Variants in CHN2 observed in about 807,000 individuals in gnomAD.
CHN2 encodes the protein chimerin 2, also known as beta-chimaerin.
In CHN2, 35 loss-of-function variants were observed where a neutral mutation model predicts 56.3. That is an observed-to-expected ratio of 0.62 (90% CI 0.47 to 0.82). The LOEUF (loss-of-function observed/expected upper bound fraction) is 0.82. Among genes scored for constraint, CHN2 ranks in the 40% least tolerant of loss-of-function variants. CHN2 has a pLI of 0.00. For missense variants in CHN2, 491 were observed against 580.5 expected (o/e 0.85, Z 1.58); for synonymous variants, 210 against 212.8 (o/e 0.99, Z 0.12).
In CHN2 at chr7:29,509,322, G is replaced by C; in HGVS notation, c.1151G>C (p.Arg384Thr). 1 of 1,614,026 alleles carries C rather than the reference G, an allele frequency of 6.2e-7. No individual in the cohort carries two copies. The highest frequency in any genetic ancestry group is 8.5e-7 in the Non-Finnish European group (1 of 1,179,908). Reference protein sequence around the residue: ...DAAKISNADERLEAVHEVLML... With the variant: ...DAAKISNADETLEAVHEVLML... ...ACAGAAATCTCCAATGCAGATGAGAGGCTGGAAGCCGTCCATGAAGTGCTG... is the reference window on the plus strand; with the variant it reads ...ACAGAAATCTCCAATGCAGATGAGACGCTGGAAGCCGTCCATGAAGTGCTG... The change falls in exon 12 of 13, where the codon AGG becomes ACG. Residue 384 changes from arginine to threonine, a missense_variant. Transcript: ENST00000222792.
At chr7:29,199,489 G>A (rs1783990049) in intron 1 of CHN2, 1 of 152,180 alleles carries the variant, frequency 6.6e-6, no homozygotes, top group Non-Finnish European at 1.5e-5. Flanking sequence ...TAGACTGGCA[G>A]AAAGACTTGA....
At chr7:29,303,681 A>G (rs954788186) in intron 1 of CHN2, among the ~76,000 whole-genome samples, 1 of 152,182 alleles carries the variant, frequency 6.6e-6, no homozygotes, top group Admixed American at 6.5e-5. Context: ...CTATCCTTCC[A>G]AATCATGCCA....
chr7:29,477,397 C>T (rs1786690313), intron 6 of CHN2, among the ~76,000 whole-genome samples: 1 of 152,180 alleles, frequency 6.6e-6, no homozygotes, highest in Non-Finnish European at 1.5e-5. Context: ...TCATTGTATT[C>T]AACCATCCAT....
At chr7:29,412,084 C>A (rs1803269670) in intron 6 of CHN2, among the ~76,000 whole-genome samples, 1 of 152,156 alleles carries the variant, frequency 6.6e-6, no homozygotes, top group South Asian at 2.1e-4. Context: ...ATCCAATAAT[C>A]CACACTACCC....
intron 1 of CHN2, among the ~76,000 whole-genome samples, chr7:29,195,915 T>C (rs575651963): frequency 3.9e-5 from 6 of 152,278 alleles, no homozygotes; most frequent in African/African-American, 1.2e-4. Context: ...GTAGAATTCC[T>C]GTACCTCTCT....
chr7:29,400,415 T>A (rs1178687548), intron 5 of CHN2, 128 bp from the exon 6 acceptor site: 2 of 904,860 alleles, frequency 2.2e-6, no homozygotes, highest in Non-Finnish European at 3.4e-6. Context: ...GGAAAAAAAA[T>A]CACATCAAGT....
intron 2 of CHN2, among the ~76,000 whole-genome samples, chr7:29,178,177 C>T (rs1797601179): frequency 6.6e-6 from 1 of 152,208 alleles, no homozygotes; most frequent in Admixed American, 6.5e-5. Context: ...GGAATAGTCA[C>T]ATAGCCACCG....
At chr7:29,225,847 G>C (rs1385526480) in intron 1 of CHN2, among the ~76,000 whole-genome samples, 2 of 152,162 alleles carry the variant, frequency 1.3e-5, no homozygotes, top group Admixed American at 1.3e-4. Flanking sequence ...GAGCATTACT[G>C]TAGTTAAAAC....
At chr7:29,480,017 G>A (rs1786976427) in intron 6 of CHN2, 1 of 1,507,866 alleles carries the variant, frequency 6.6e-7, no homozygotes, top group Admixed American at 2.1e-5. Flanking sequence ...CCTCAAATCT[G>A]CCGCCTAACA....
intron 1 of CHN2, among the ~76,000 whole-genome samples, chr7:29,290,023 A>G (rs951620712): frequency 6.6e-6 from 1 of 152,246 alleles, no homozygotes; most frequent in African/African-American, 2.4e-5. Context: ...CTTTTAAAGC[A>G]GTTTGTTTGA....
intron 6 of CHN2, among the ~76,000 whole-genome samples, chr7:29,406,046 G>T (rs1397841292): frequency 6.6e-6 from 1 of 152,208 alleles, no homozygotes; most frequent in African/African-American, 2.4e-5. Context: ...CTCATGGCTG[G>T]TGTCCCCGTG....
At chr7:29,368,996 G>C (rs528365380) in intron 3 of CHN2, among the ~76,000 whole-genome samples, 1 of 152,188 alleles carries the variant, frequency 6.6e-6, no homozygotes, top group East Asian at 1.9e-4. Context: ...CTCTGATCTT[G>C]TCCTGTCACT....
At chr7:29,299,314 G>C (rs377305833) in intron 1 of CHN2, among the ~76,000 whole-genome samples, 13 of 152,152 alleles carry the variant, frequency 8.5e-5, no homozygotes, top group African/African-American at 3.1e-4. Context: ...GTACTGTCTG[G>C]TTTCATTGAA....
At chr7:29,206,871 C>T (rs1298615735) in intron 1 of CHN2, among the ~76,000 whole-genome samples, 3 of 152,020 alleles carry the variant, frequency 2.0e-5, no homozygotes, top group Admixed American at 6.5e-5. Context: ...TATGATTCCA[C>T]GCATATGGAA....
At chr7:29,311,588 G>A (rs571685120) in intron 1 of CHN2, among the ~76,000 whole-genome samples, 1 of 152,204 alleles carries the variant, frequency 6.6e-6, no homozygotes, top group Non-Finnish European at 1.5e-5. Context: ...TCAAACACAG[G>A]CAGTGTGGCT....
chr7:29,209,631 C>T (rs1004425397), intron 1 of CHN2, among the ~76,000 whole-genome samples: 4 of 152,210 alleles, frequency 2.6e-5, no homozygotes, highest in African/African-American at 2.4e-5. Flanking sequence ...AACATCCCTG[C>T]GCCTGATGTA....
chr7:29,481,908 T>C (rs772268997), intron 7 of CHN2, among the ~76,000 whole-genome samples: 27 of 152,286 alleles, frequency 1.8e-4, no homozygotes, highest in Middle Eastern at 6.8e-3. Flanking sequence ...ATGGAGTAGC[T>C]TGTCCATGTA....
intron 6 of CHN2, among the ~76,000 whole-genome samples, chr7:29,424,016 G>A (rs538413770): frequency 1.1e-4 from 17 of 152,258 alleles, no homozygotes; most frequent in African/African-American, 3.4e-4. Context: ...GACAACATGA[G>A]GTTGCCTAAT....
At chr7:29,380,716 T>C (rs1466620759) in intron 3 of CHN2, 1 of 152,230 alleles carries the variant, frequency 6.6e-6, no homozygotes, top group Admixed American at 6.5e-5. Flanking sequence ...ACTCACCCAA[T>C]CTTTTTTCCT....
Sources: gnomAD v4.1 joint callset for allele counts (sites outside exome capture counted in the v4.1 genomes callset) on GRCh38, gnomAD v4.1.1 for gene constraint, MANE v1.5 for transcripts, NCBI Gene and HGNC (gene_info 2026-07-23, HGNC 2026-07-21) for gene names.